DDAH1: variants seen among roughly 807,000 people sequenced by gnomAD.
The protein encoded by DDAH1 is N(G),N(G)-dimethylarginine dimethylaminohydrolase 1.
In DDAH1, 19 loss-of-function variants were observed where a neutral mutation model predicts 28.8. The observed-to-expected ratio is 0.66, with a 90% CI of 0.46 to 0.97. The LOEUF (loss-of-function observed/expected upper bound fraction) is 0.97, where lower values mean the gene tolerates loss of function less well. Ranked by LOEUF, DDAH1 falls within the 50% of genes least tolerant of loss-of-function variation. The pLI is 0.00. For synonymous variants in DDAH1, 153 were observed against 154.4 expected, an observed-to-expected ratio of 0.99 and a Z score of 0.07; for missense variants, 326 against 375.9, an observed-to-expected ratio of 0.87 and a Z score of 1.10.
chr1:85,376,364 AC>A (rs1214315374), intron 1 of DDAH1, among the ~76,000 whole-genome samples: 1 of 152,204 alleles, frequency 6.6e-6, no homozygotes, highest in African/African-American at 2.4e-5. Flanking sequence ...TTAGATATTA[AC>A]TGAAAATATG....
chr1:85,565,288 A>G (rs1411369933), intron 1 of DDAH1, among the ~76,000 whole-genome samples: 1 of 152,250 alleles, frequency 6.6e-6, no homozygotes, highest in Non-Finnish European at 1.5e-5. Context: ...GCAGGGCTAT[A>G]ATGCAATGAA....
chr1:85,343,240 G>A (rs954934725), intron 4 of DDAH1, among the ~76,000 whole-genome samples: 1 of 152,124 alleles, frequency 6.6e-6, no homozygotes. Context: ...GGCCAATTTT[G>A]ACTTCTTCCT....
At chr1:85,509,539 CT>C (rs1293792487) in intron 1 of DDAH1, among the ~76,000 whole-genome samples, 3 of 152,138 alleles carry the variant, frequency 2.0e-5, no homozygotes, top group Non-Finnish European at 4.4e-5. Flanking sequence ...ACAAACTTCT[CT>C]GAGCTAAAGG....
At chr1:85,570,245 A>G (rs1340248977) in intron 1 of DDAH1, among the ~76,000 whole-genome samples, 1 of 151,984 alleles carries the variant, frequency 6.6e-6, no homozygotes, top group Non-Finnish European at 1.5e-5. Context: ...AGCCTCTACA[A>G]AGAGTTCAGC....
At chr1:85,507,658 A>G (rs1049442579) in intron 1 of DDAH1, among the ~76,000 whole-genome samples, 31 of 152,176 alleles carry the variant, frequency 2.0e-4, no homozygotes, top group Non-Finnish European at 4.1e-4. Flanking sequence ...ATATATGCTC[A>G]TATTCAGGTT....
intron 1 of DDAH1, among the ~76,000 whole-genome samples, chr1:85,411,322 A>G (rs1411978012): frequency 6.6e-6 from 1 of 152,242 alleles, no homozygotes; most frequent in Non-Finnish European, 1.5e-5. Context: ...TAATATTTAA[A>G]AAACAAACGA....
intron 1 of DDAH1, among the ~76,000 whole-genome samples, chr1:85,430,075 A>G (rs927984886): frequency 3.3e-5 from 5 of 152,104 alleles, no homozygotes; most frequent in African/African-American, 1.2e-4. Context: ...TAATTTTTGT[A>G]TAAGGTGTAA....
At chr1:85,542,325 G>A (rs1263490594) in intron 1 of DDAH1, among the ~76,000 whole-genome samples, 4 of 152,162 alleles carry the variant, frequency 2.6e-5, no homozygotes, top group Admixed American at 6.6e-5. Context: ...CCTGAAAGGC[G>A]GCAGCTCAGA....
chr1:85,458,554 G>C (rs1342263674), intron 1 of DDAH1, among the ~76,000 whole-genome samples: 3 of 151,130 alleles, frequency 2.0e-5, no homozygotes, highest in African/African-American at 7.3e-5. Flanking sequence ...TCAGCCTCCT[G>C]AGTAGCTGGG....
chr1:85,522,567 T>A (rs1308386569), intron 1 of DDAH1, among the ~76,000 whole-genome samples: 2 of 152,090 alleles, frequency 1.3e-5, no homozygotes, highest in East Asian at 1.9e-4. Flanking sequence ...ATCACATATT[T>A]GCCTTACACA....
At chr1:85,567,142 A>T (rs139208603) in intron 1 of DDAH1, among the ~76,000 whole-genome samples, 2,105 of 152,326 alleles carry the variant, frequency 0.014, 25 homozygotes, top group Non-Finnish European at 0.021. Flanking sequence ...TACTCAGTCT[A>T]CTGATTCAAA....
intron 1 of DDAH1, among the ~76,000 whole-genome samples, chr1:85,540,817 G>T (rs2100784964): frequency 1.3e-5 from 2 of 152,134 alleles, no homozygotes; most frequent in South Asian, 4.2e-4. Context: ...GAAATTAGCT[G>T]GGCGTGGTGG....
At chr1:85,554,449 A>T (rs1206220093) in intron 1 of DDAH1, among the ~76,000 whole-genome samples, 2 of 152,170 alleles carry the variant, frequency 1.3e-5, no homozygotes, top group Non-Finnish European at 2.9e-5. Flanking sequence ...TATAAGAATA[A>T]GATTTTGTGG....
At chr1:85,367,386 C>T (rs1401021345) in intron 1 of DDAH1, among the ~76,000 whole-genome samples, 1 of 152,140 alleles carries the variant, frequency 6.6e-6, no homozygotes, top group East Asian at 1.9e-4. Context: ...GCTATGCGCT[C>T]TGAGGATTTG....
chr1:85,388,607 T>C (rs1264623739), intron 1 of DDAH1, among the ~76,000 whole-genome samples: 1 of 152,194 alleles, frequency 6.6e-6, no homozygotes, highest in East Asian at 1.9e-4. Flanking sequence ...TAATAAAGTG[T>C]AAAATGACAT....
At chr1:85,324,542 A>C (rs570928215) in intron 5 of DDAH1, among the ~76,000 whole-genome samples, 198 bp downstream of exon 5, 1 of 152,250 alleles carries the variant, frequency 6.6e-6, no homozygotes, top group African/African-American at 2.4e-5. Context: ...CTCAATTACT[A>C]TGCATGCATT....
chr1:85,393,924 A>G (rs745887358), intron 1 of DDAH1, among the ~76,000 whole-genome samples: 5 of 152,204 alleles, frequency 3.3e-5, no homozygotes, highest in Admixed American at 6.5e-5. Context: ...TGGCAAATAG[A>G]GAATCTTATA....
At chr1:85,495,624 A>G (rs1223739283) in intron 2 of DDAH1, 1 of 152,258 alleles carries the variant, frequency 6.6e-6, no homozygotes, top group Admixed American at 6.5e-5. Context: ...CTTGGTTGGC[A>G]TTCCGGGAGG....
chr1:85,568,169 CAGG>C (rs1338009976), intron 1 of DDAH1, among the ~76,000 whole-genome samples: 8 of 152,008 alleles, frequency 5.3e-5, no homozygotes, highest in African/African-American at 1.9e-4. Context: ...GCAGCTGAAG[CAGG>C]AGTAGAGGGA....
Sources: gnomAD v4.1 joint callset for allele counts (sites outside exome capture counted in the v4.1 genomes callset) on GRCh38, gnomAD v4.1.1 for gene constraint, MANE v1.5 for transcripts, NCBI Gene and HGNC (gene_info 2026-07-23, HGNC 2026-07-21) for gene names.